Variants in GALNT17 observed in about 807,000 individuals in gnomAD.
The protein encoded by GALNT17 is polypeptide N-acetylgalactosaminyltransferase 17.
GALNT17 carries 29 observed loss-of-function variants against 63.7 expected under a neutral mutation model. The observed-to-expected ratio is 0.46, with a 90% CI of 0.34 to 0.62. The LOEUF is 0.62. GALNT17 is among the 20% of genes least tolerant of loss of function. The pLI is 0.01. For missense variants in GALNT17, 603 were observed against 799.6 expected (o/e 0.75, Z 2.97); for synonymous variants, 305 against 318.3 (o/e 0.96, Z 0.45).
At chr7:71,334,952 A>G (rs1791871679) in intron 1 of GALNT17, among the ~76,000 whole-genome samples, 2 of 152,018 alleles carry the variant, frequency 1.3e-5, no homozygotes, top group Admixed American at 6.5e-5. Context: ...ATTCTGTGCT[A>G]TTTCTTCTTG....
At chr7:71,227,732 C>T (rs1242563595) in intron 1 of GALNT17, among the ~76,000 whole-genome samples, 1 of 152,092 alleles carries the variant, frequency 6.6e-6, no homozygotes, top group Non-Finnish European at 1.5e-5. Context: ...TAATGAAATA[C>T]ATTCTAATGA....
intron 5 of GALNT17, among the ~76,000 whole-genome samples, chr7:71,465,523 T>C (rs1379755171): frequency 6.6e-6 from 1 of 152,232 alleles, no homozygotes; most frequent in Non-Finnish European, 1.5e-5. Context: ...ATTTTCTACA[T>C]GCGTGTTTCT....
chr7:71,393,660 G>A (rs1281423661), intron 3 of GALNT17, among the ~76,000 whole-genome samples: 4 of 152,056 alleles, frequency 2.6e-5, no homozygotes, highest in Non-Finnish European at 5.9e-5. Flanking sequence ...GGGAATGGGT[G>A]TACAAAGCCG....
chr7:71,317,200 C>G (rs1250098513), intron 1 of GALNT17, among the ~76,000 whole-genome samples: 1 of 152,126 alleles, frequency 6.6e-6, no homozygotes, highest in Non-Finnish European at 1.5e-5. Flanking sequence ...AGGGAAGGAG[C>G]TGAAGTCACC....
At chr7:71,161,121 G>A (rs1237693513) in intron 1 of GALNT17, among the ~76,000 whole-genome samples, 1 of 152,084 alleles carries the variant, frequency 6.6e-6, no homozygotes, top group Non-Finnish European at 1.5e-5. Context: ...CACTACACTT[G>A]GCCTTAAAGG....
chr7:71,233,500 C>T (rs886520018), intron 1 of GALNT17, among the ~76,000 whole-genome samples: 12 of 152,216 alleles, frequency 7.9e-5, no homozygotes, highest in African/African-American at 2.9e-4. Context: ...GATAGAACTG[C>T]TCCAGAGCCT....
intron 2 of GALNT17, among the ~76,000 whole-genome samples, chr7:71,376,895 G>T (rs946279810): frequency 6.6e-6 from 1 of 151,030 alleles, no homozygotes; most frequent in Non-Finnish European, 1.5e-5. Context: ...AGACCAGCCT[G>T]GCCAACATGG....
intron 5 of GALNT17, among the ~76,000 whole-genome samples, chr7:71,460,616 A>C (rs1787436624): frequency 6.6e-6 from 1 of 152,216 alleles, no homozygotes; most frequent in African/African-American, 2.4e-5. Flanking sequence ...GAGTCCATAG[A>C]GTAAAGTGAA....
intron 9 of GALNT17, among the ~76,000 whole-genome samples, chr7:71,701,731 ATATATATATGTGTATATATATG>A (rs71089984): frequency 0.61 from 84,262 of 137,344 alleles, 26,696 homozygotes; most frequent in East Asian, 0.9. Context: ...GTATGTATAT[ATATATATATGTGTATATATATG>A]TATATATATG....
chr7:71,254,580 G>C (rs747262209), intron 1 of GALNT17, among the ~76,000 whole-genome samples: 19 of 152,098 alleles, frequency 1.2e-4, no homozygotes, highest in Non-Finnish European at 2.5e-4. Context: ...GGTCACCTGT[G>C]CCTTCCCAAA....
At chr7:71,216,780 A>G (rs1789490367) in intron 1 of GALNT17, among the ~76,000 whole-genome samples, 1 of 151,978 alleles carries the variant, frequency 6.6e-6, no homozygotes, top group South Asian at 2.1e-4. Flanking sequence ...ACAAATACAC[A>G]TATATACATA....
In GALNT17 at chr7:71,421,165, C is replaced by A. The variant is rs142659982; in HGVS notation, c.962+60C>A. ...CCCCAAATTCAAGGGTAAAAAGGAG[C>A]TACTGAGAGAGGCCAGGAAAGCCTG... On this transcript the variant is annotated intron_variant, in intron 5 of 10. Coordinates refer to ENST00000333538, the MANE Select transcript of GALNT17 (RefSeq NM_022479.3). 1,675 of 1,581,504 alleles carry A rather than the reference C, an allele frequency of 1.1e-3. 18 individuals are homozygous for A. The African/African-American group carries it at 0.021, about 20-fold the overall frequency.
intron 1 of GALNT17, among the ~76,000 whole-genome samples, chr7:71,178,615 T>G (rs1585860724): frequency 6.6e-6 from 1 of 152,284 alleles, no homozygotes; most frequent in Non-Finnish European, 1.5e-5. Flanking sequence ...GATTGGATGG[T>G]TTCTGTTGAT....
chr7:71,704,155 G>C (rs181650138), intron 9 of GALNT17, among the ~76,000 whole-genome samples: 106 of 152,282 alleles, frequency 7.0e-4, no homozygotes, highest in Non-Finnish European at 1.2e-3. Context: ...CTGTAGTTCA[G>C]AGTGACCATG....
intron 1 of GALNT17, among the ~76,000 whole-genome samples, chr7:71,148,677 A>G (rs1788069012): frequency 6.6e-6 from 1 of 151,906 alleles, no homozygotes; most frequent in Non-Finnish European, 1.5e-5. Context: ...ACATACATAC[A>G]TAATTGTATT....
At chr7:71,444,304 C>T (rs1422435279) in intron 5 of GALNT17, among the ~76,000 whole-genome samples, 1 of 152,182 alleles carries the variant, frequency 6.6e-6, no homozygotes, top group Admixed American at 6.5e-5. Context: ...GAAAAGCCAT[C>T]AACAACTCTT....
Position 71,264,345 on chromosome 7 carries a change from C to G in GALNT17, c.239-71205C>G, listed in dbSNP as rs6980120. Among the ~76,000 whole-genome samples the G allele has an allele frequency of 3.0e-3, 464 of 152,188 alleles. 1 individual carries two copies. The highest frequency in any genetic ancestry group is 4.9e-3 in the Admixed American group (75 of 15,298). ...TTTTTGGGTTCTTCTTGGTTCTAGT[C>G]TTATATAGGCAGATACATTTCTGGG... is the stretch of plus-strand genomic sequence containing the variant. On this transcript the variant is annotated intron_variant, in intron 1 of 10. Transcript: ENST00000333538.
At chr7:71,605,446 C>T (rs1290646229) in intron 6 of GALNT17, among the ~76,000 whole-genome samples, 5 of 151,970 alleles carry the variant, frequency 3.3e-5, no homozygotes, top group Admixed American at 6.6e-5. Context: ...ATTAGCTGGG[C>T]GTGGTGGCGT....
intron 6 of GALNT17, among the ~76,000 whole-genome samples, chr7:71,660,594 T>C (rs567828945): frequency 1.3e-4 from 20 of 152,350 alleles, no homozygotes; most frequent in African/African-American, 4.3e-4. Context: ...CTGGGTCTTA[T>C]GTGTGGTAGA....
Sources: gnomAD v4.1 joint callset for allele counts (sites outside exome capture counted in the v4.1 genomes callset) on GRCh38, gnomAD v4.1.1 for gene constraint, MANE v1.5 for transcripts, NCBI Gene and HGNC (gene_info 2026-07-23, HGNC 2026-07-21) for gene names.